The following PTPRM variants were observed in gnomAD, a reference collection of about 807,000 sequenced individuals.
PTPRM encodes the protein receptor-type tyrosine-protein phosphatase mu.
A neutral mutation model predicts 186.7 loss-of-function variants in PTPRM; 47 were observed. The observed-to-expected ratio is 0.25, with a 90% CI of 0.20 to 0.32. The LOEUF (loss-of-function observed/expected upper bound fraction) is 0.32. Ranked by LOEUF, PTPRM falls within the 10% of genes least tolerant of loss-of-function variation. PTPRM has a pLI of 1.00. For missense variants in PTPRM, 1,494 were observed against 1,865.0 expected, an observed-to-expected ratio of 0.80 and a Z score of 3.66; for synonymous variants, 668 against 674.9, an observed-to-expected ratio of 0.99 and a Z score of 0.16.
intron 7 of PTPRM, among the ~76,000 whole-genome samples, chr18:8,003,087 T>A (rs1169334936): frequency 6.6e-6 from 1 of 152,178 alleles, no homozygotes; most frequent in East Asian, 1.9e-4. Context: ...AAAGTGTTGG[T>A]GATATAGTTT....
chr18:8,323,037 C>T (rs988738790), intron 22 of PTPRM, among the ~76,000 whole-genome samples: 15 of 151,780 alleles, frequency 9.9e-5, no homozygotes, highest in Admixed American at 6.6e-5. Flanking sequence ...CTGTGTTGTC[C>T]AGGCTGGTCT....
At chr18:7,601,914 G>A (rs183858339) in intron 1 of PTPRM, among the ~76,000 whole-genome samples, 110 of 152,246 alleles carry the variant, frequency 7.2e-4, no homozygotes, top group African/African-American at 2.4e-3. Flanking sequence ...TTCATATTTA[G>A]GGGAGAGAGA....
At chr18:7,914,853 CA>C (rs2050463542) in intron 4 of PTPRM, among the ~76,000 whole-genome samples, 1 of 152,090 alleles carries the variant, frequency 6.6e-6, no homozygotes, top group Non-Finnish European at 1.5e-5. Context: ...ATATGTTACA[CA>C]AATAGAGAGA....
intron 19 of PTPRM, among the ~76,000 whole-genome samples, chr18:8,261,628 G>T (rs115892325): frequency 6.6e-6 from 1 of 152,012 alleles, no homozygotes. Flanking sequence ...GCCTGCTTTC[G>T]GGGCCTCTTT....
At chr18:8,238,910 T>C (rs945953434) in intron 14 of PTPRM, among the ~76,000 whole-genome samples, 2 of 151,736 alleles carry the variant, frequency 1.3e-5, no homozygotes, top group African/African-American at 4.8e-5. Context: ...GGAGTTGTAT[T>C]TCTTCCCCCA....
At chr18:7,645,507 A>T (rs1432104479) in intron 1 of PTPRM, among the ~76,000 whole-genome samples, 1 of 152,174 alleles carries the variant, frequency 6.6e-6, no homozygotes, top group African/African-American at 2.4e-5. Context: ...AAAAATAAAA[A>T]AAGTCATTTC....
chr18:7,890,620 T>A (rs1242072788), intron 3 of PTPRM, among the ~76,000 whole-genome samples: 1 of 152,156 alleles, frequency 6.6e-6, no homozygotes, highest in Non-Finnish European at 1.5e-5. Context: ...AGTTTTAAAA[T>A]TGTTAAAAAA....
At chr18:8,266,047 G>C (rs192049975) in intron 19 of PTPRM, among the ~76,000 whole-genome samples, 1 of 152,092 alleles carries the variant, frequency 6.6e-6, no homozygotes, top group Non-Finnish European at 1.5e-5. Context: ...TCTGAATGAG[G>C]TGGTTTCTAT....
intron 6 of PTPRM, among the ~76,000 whole-genome samples, chr18:7,953,165 C>A (rs909328814): frequency 1.3e-5 from 2 of 152,160 alleles, no homozygotes. Flanking sequence ...AAACAGAAAA[C>A]ATTCTCAGGA....
rs530048157 is a variant in PTPRM, at chr18:8,204,953, A to C, written c.2301-39105A>C. ...CTGTTTGCTTCATATGCATTTGGAG[A>C]CATGAAATGATATTTTACTGGTTAA... is the stretch of plus-strand genomic sequence containing the variant. On this transcript the variant is annotated intron_variant, in intron 14 of 32. Coordinates refer to ENST00000580170, the MANE Select transcript of PTPRM (RefSeq NM_001105244.2). 7.0e-4 allele frequency among the ~76,000 whole-genome samples: 107 copies of C among 152,228 alleles called. 1 individual carries two copies. In the South Asian group the frequency reaches 0.017, roughly 24 times the overall value.
chr18:7,705,367 C>T (rs914229890), intron 1 of PTPRM, among the ~76,000 whole-genome samples: 13 of 151,592 alleles, frequency 8.6e-5, no homozygotes, highest in African/African-American at 2.9e-4. Context: ...TTCTGTCTCT[C>T]TCTCTCTATC....
chr18:7,931,631 G>C (rs139267056), intron 5 of PTPRM, among the ~76,000 whole-genome samples: 1,606 of 152,288 alleles, frequency 0.011, 15 homozygotes, highest in South Asian at 0.027. Flanking sequence ...AACCCGGAAG[G>C]CGGAGGTTGC....
chr18:8,221,759 A>G (rs915752732), intron 14 of PTPRM, among the ~76,000 whole-genome samples: 2 of 152,266 alleles, frequency 1.3e-5, no homozygotes, highest in Admixed American at 1.3e-4. Context: ...TTTAGCCTAA[A>G]CCTTCCTCCT....
intron 7 of PTPRM, among the ~76,000 whole-genome samples, chr18:7,991,938 C>G (rs1379778814): frequency 6.6e-6 from 1 of 152,140 alleles, no homozygotes; most frequent in East Asian, 1.9e-4. Flanking sequence ...AGGTATTTAT[C>G]CAATATGATG....
chr18:7,919,318 C>G (rs1284962903), intron 4 of PTPRM, among the ~76,000 whole-genome samples: 1 of 152,204 alleles, frequency 6.6e-6, no homozygotes, highest in East Asian at 1.9e-4. Flanking sequence ...ATTATATTTT[C>G]TATTTCTGTT....
chr18:8,348,825 A>C (rs749836750), intron 23 of PTPRM, among the ~76,000 whole-genome samples: 3 of 152,234 alleles, frequency 2.0e-5, no homozygotes, highest in Non-Finnish European at 4.4e-5. Context: ...TTAAAAATCC[A>C]AATGAGGTCT....
At chr18:8,299,445 G>A (rs1400937317) in intron 20 of PTPRM, among the ~76,000 whole-genome samples, 2 of 152,014 alleles carry the variant, frequency 1.3e-5, no homozygotes, top group African/African-American at 2.4e-5. Context: ...AAATTAGCTG[G>A]GCATGGTGGC....
rs552847999 is a variant in PTPRM, at chr18:8,085,268, A to ATTTGGG, written c.1552-403_1552-402insTTTGGG. On this transcript the variant is annotated intron_variant, in intron 9 of 32. Coordinates refer to ENST00000580170, the MANE Select transcript of PTPRM (RefSeq NM_001105244.2). ...CTCGTTCCCAATAGGTAATGATCCT[A>ATTTGGG]AGTCAAATTATGGCCACTAGATTAA... Among the ~76,000 whole-genome samples, 13 of 152,210 alleles carry ATTTGGG rather than the reference A, an allele frequency of 8.5e-5. No homozygotes were observed. The East Asian group carries it at 1.9e-3, about 23-fold the overall frequency.
intron 22 of PTPRM, among the ~76,000 whole-genome samples, chr18:8,326,391 A>G (rs1277480336): frequency 1.3e-5 from 2 of 152,234 alleles, no homozygotes; most frequent in Admixed American, 6.5e-5. Context: ...TGCTATTCCT[A>G]TCAAACTACC....
Sources: allele counts gnomAD v4.1 joint callset (sites outside exome capture counted in the v4.1 genomes callset), GRCh38; gene constraint gnomAD v4.1.1; transcripts MANE v1.5; gene names NCBI Gene and HGNC (gene_info 2026-07-23, HGNC 2026-07-21).